SLC38A10: variants seen among roughly 807,000 people sequenced by gnomAD.
SLC38A10 encodes solute carrier family 38 member 10, also known as Sodium-coupled neutral amino acid transporter 10.
SLC38A10 carries 53 observed loss-of-function variants against 81.0 expected under a neutral mutation model. That is an observed-to-expected ratio of 0.65 (90% confidence interval 0.53 to 0.82). The LOEUF (loss-of-function observed/expected upper bound fraction) is 0.82, where lower values mean the gene tolerates loss of function less well. Among genes scored for constraint, SLC38A10 ranks in the 40% least tolerant of loss-of-function variants. The probability of loss-of-function intolerance (pLI) is 0.00; values close to 1 mark genes in which losing one functional copy is unlikely to be tolerated. For missense variants in SLC38A10, 1,471 were observed against 1,545.0 expected, an observed-to-expected ratio of 0.95 and a Z score of 0.80; for synonymous variants, 665 against 655.3, an observed-to-expected ratio of 1.01 and a Z score of -0.23.
chr17:81,245,796 G>A lies in SLC38A10; in HGVS notation c.3120C>T (p.Asp1040=), dbSNP rs1176488925. The A allele has an allele frequency of 1.9e-6, 3 of 1,602,342 alleles. No homozygotes were observed. The highest frequency in any genetic ancestry group is 2.2e-5 in the East Asian group (1 of 44,516). Residue 1040 remains aspartate (D), a synonymous_variant, in exon 16 of 16, where the codon GAC becomes GAT. Coordinates refer to ENST00000374759, the MANE Select transcript of SLC38A10 (RefSeq NM_001037984.3). ...QRPDNAKPNR[D]LKLQAGSDLR... The stretch of plus-strand genomic sequence containing the variant: ...GGTCGGAGCCAGCCTGCAGTTTCAG[G>A]TCCCGGTTGGGCTTGGCATTGTCCG...
chr17:81,287,612 T>C (rs2063278467), intron 2 of SLC38A10, among the ~76,000 whole-genome samples: 2 of 152,246 alleles, frequency 1.3e-5, no homozygotes. Context: ...TTTTGGAATC[T>C]TTTTTGTTTC....
intron 15 of SLC38A10, 26 bp from the exon 16 acceptor site, chr17:81,246,699 T>A (rs926178804): frequency 1.3e-6 from 2 of 1,501,990 alleles, no homozygotes; most frequent in Non-Finnish European, 1.8e-6. Context: ...GTCATCAATT[T>A]AGCCACAGCA....
intron 10 of SLC38A10, among the ~76,000 whole-genome samples, chr17:81,268,510 A>G (rs752458664): frequency 9.9e-5 from 15 of 151,792 alleles, no homozygotes; most frequent in Non-Finnish European, 4.4e-5. Flanking sequence ...GGTTCAAGTG[A>G]TTCTCCTGCC....
chr17:81,264,895 T>G (rs2146914126), intron 10 of SLC38A10: 1 of 152,302 alleles, frequency 6.6e-6, no homozygotes, highest in East Asian at 1.9e-4. Flanking sequence ...TTCAGGCCTT[T>G]CAGGGACTGC....
chr17:81,291,721 G>A (rs749747709), intron 1 of SLC38A10, among the ~76,000 whole-genome samples: 3 of 152,158 alleles, frequency 2.0e-5, no homozygotes, highest in Non-Finnish European at 4.4e-5. Flanking sequence ...GCCAACGCCT[G>A]TCCAACTCCT....
chr17:81,258,371 G>T (rs554825494), intron 11 of SLC38A10, among the ~76,000 whole-genome samples: 2 of 152,142 alleles, frequency 1.3e-5, no homozygotes, highest in Non-Finnish European at 2.9e-5. Flanking sequence ...TTCTGAGAGG[G>T]GCCATGTGTT....
chr17:81,245,624 CCGCAGCCTGGCGGAGCTGGGCAT>C lies in SLC38A10; in HGVS notation c.3269_3291del (p.Asp1090GlyfsTer13). On this transcript the variant is annotated frameshift_variant, in exon 16 of 16. Coordinates refer to ENST00000374759, the MANE Select transcript of SLC38A10 (RefSeq NM_001037984.3). LOFTEE classifies it low-confidence loss of function (END_TRUNC). Reference sequence around the variant, plus strand: ...CTGTGGACCACCTGCAGAGCTCCCCCCGCAGCCTGGCGGAGCTGGGCATCCAGGGCGCCACGGAGGTCGTTCAC... The same window carrying C: ...CTGTGGACCACCTGCAGAGCTCCCCCCCAGGGCGCCACGGAGGTCGTTCAC... The C allele has an allele frequency of 6.2e-7, 1 of 1,612,320 alleles. No individual in the cohort carries two copies. The highest frequency in any genetic ancestry group is 8.5e-7 in the Non-Finnish European group (1 of 1,179,774).
At position 81,246,544 on chromosome 17, in the gene SLC38A10, C is replaced by A; in HGVS notation, c.2372G>T (p.Arg791Leu). 6.6e-7 allele frequency: 1 copy of A among 1,518,156 alleles called. No individual in the cohort carries two copies. The highest frequency in any genetic ancestry group is 8.8e-7 in the Non-Finnish European group (1 of 1,134,874). 94.0% of individuals were successfully genotyped at this position (1,518,156 alleles called of 1,614,324 possible). Reference sequence around the variant, plus strand: ...GTTAAGGTCCTGGGATGGAGCAGGGCGGCCCCCAGGAGCTCTGAGGACAGG... The same window carrying A: ...GTTAAGGTCCTGGGATGGAGCAGGGAGGCCCCCAGGAGCTCTGAGGACAGG... ...LDPVLRAPGG[R>L]PAPSQDLNQR... The change falls in exon 16 of 16, where the codon CGC becomes CTC. Residue 791 changes from arginine to leucine, a missense_variant. Around this residue, in one of 2 missense-constraint regions of SLC38A10, gnomAD observed 751 missense variants for 717.4 expected, o/e 1.05. Transcript: ENST00000374759.
At chr17:81,271,772 G>A (rs1188584353) in intron 9 of SLC38A10, among the ~76,000 whole-genome samples, 2 of 118,046 alleles carry the variant, frequency 1.7e-5, no homozygotes, top group Non-Finnish European at 3.5e-5. Flanking sequence ...TTTTTTTTTG[G>A]CTGGAGTGTA....
In SLC38A10 at chr17:81,253,883, C is replaced by T. The variant is rs1370889938; in HGVS notation, c.1289-643G>A. Among the ~76,000 whole-genome samples, 3 of 151,850 alleles carry T rather than the reference C, an allele frequency of 2.0e-5. No homozygotes were observed. The highest frequency in any genetic ancestry group is 1.9e-4 in the East Asian group (1 of 5,172). ...CCTACCACCATCACCATCATCATCA[C>T]CATCACCACTACCATCACCACCATC... On this transcript the variant is annotated intron_variant, in intron 11 of 15. Coordinates refer to ENST00000374759, the MANE Select transcript of SLC38A10 (RefSeq NM_001037984.3). The surrounding 1 kb of genome is among the most constrained non-coding windows in gnomAD (Gnocchi z 4.1).
intron 4 of SLC38A10, among the ~76,000 whole-genome samples, chr17:81,282,938 G>A (rs1172110751): frequency 1.3e-5 from 2 of 152,172 alleles, no homozygotes; most frequent in African/African-American, 2.4e-5. Context: ...TCTGCTCCCC[G>A]GCAGCGAGGG....
Position 81,286,624 on chromosome 17 carries a change from T to A in SLC38A10, c.218-1729A>T, listed in dbSNP as rs1180194277. ...ACCCAGCCCTCCCCCGAGTGTGGAC[T>A]CCCAGTGCGGGCCCAGCCCCTGCCA... On this transcript the variant is annotated intron_variant, in intron 2 of 15. Coordinates refer to ENST00000374759, the MANE Select transcript of SLC38A10 (RefSeq NM_001037984.3). This position sits in a 1 kb window ranked among gnomAD's most constrained non-coding sequence, Gnocchi z 6.0. Among the ~76,000 whole-genome samples the A allele has an allele frequency of 6.6e-6, 1 of 152,088 alleles. No homozygotes were observed. Among genetic ancestry groups the A allele is most frequent in the Non-Finnish European group, 1.5e-5 (1 of 68,006 alleles).
Position 81,276,145 on chromosome 17 carries a change from A to T in SLC38A10, c.736T>A (p.Phe246Ile). The change falls in exon 8 of 16, where the codon TTT becomes ATT. Residue 246 changes from phenylalanine to isoleucine, a missense_variant. Around this residue, in one of 2 missense-constraint regions of SLC38A10, gnomAD observed 720 missense variants for 827.7 expected, o/e 0.87. Transcript: ENST00000374759. This position sits in a 1 kb window ranked among gnomAD's most constrained non-coding sequence, Gnocchi z 4.7. ...VVTTFYVMVG[F>I]FGYVSFTEAT... ...TCGGTGAAGCTGACGTAGCCGAAAA[A>T]CCCCACCTGTTGGAGAATAAGAAAT... 6.2e-7 allele frequency: 1 copy of T among 1,606,682 alleles called. No homozygotes were observed. Among genetic ancestry groups the T allele is most frequent in the Non-Finnish European group, 8.5e-7 (1 of 1,175,578 alleles).
intron 8 of SLC38A10, 152 bp downstream of exon 8, chr17:81,275,817 C>G: frequency 1.2e-6 from 1 of 824,854 alleles, no homozygotes; most frequent in Non-Finnish European, 1.8e-6. Flanking sequence ...AATCTGGTTC[C>G]TCTAGGCTCC....
At chr17:81,246,831 A>G (rs1598374745) in intron 15 of SLC38A10, 54 bp downstream of exon 15, 2 of 1,536,994 alleles carry the variant, frequency 1.3e-6, no homozygotes, top group East Asian at 4.5e-5. Context: ...GCATGAGGAC[A>G]GCAGGAGACC....
chr17:81,282,860 C>T (rs530191427), intron 4 of SLC38A10, among the ~76,000 whole-genome samples: 1 of 152,338 alleles, frequency 6.6e-6, no homozygotes, highest in East Asian at 1.9e-4. Context: ...CCTCAGTGGC[C>T]TTTGAAAGCC....
chr17:81,250,070 C>T (rs1335585885), intron 14 of SLC38A10: 1 of 1,288,774 alleles, frequency 7.8e-7, no homozygotes, highest in South Asian at 1.2e-5. Flanking sequence ...GGGTTCGTAC[C>T]TGCTACTATC....
chr17:81,282,949 A>G (rs1316612903), intron 4 of SLC38A10, among the ~76,000 whole-genome samples: 3 of 152,084 alleles, frequency 2.0e-5, no homozygotes. Context: ...GCAGCGAGGG[A>G]AAGGTGTGTG....
chr17:81,283,771 G>T lies in SLC38A10; in HGVS notation c.264-269C>A, dbSNP rs552771816. Among the ~76,000 whole-genome samples the T allele has an allele frequency of 2.0e-5, 3 of 151,744 alleles. No homozygotes were observed. The highest frequency in any genetic ancestry group is 3.9e-4 in the East Asian group (2 of 5,086). Reference sequence around the variant, plus strand: ...TGGGAGTAGCCGAGTAGCCACGCCCGGCTAATTGTTTGTATTTTTAGTAGA... The same window carrying T: ...TGGGAGTAGCCGAGTAGCCACGCCCTGCTAATTGTTTGTATTTTTAGTAGA... On this transcript the variant is annotated intron_variant, in intron 3 of 15. Transcript: ENST00000374759. The surrounding 1 kb of genome is among the most constrained non-coding windows in gnomAD (Gnocchi z 4.7).
Sources: allele counts gnomAD v4.1 joint callset (sites outside exome capture counted in the v4.1 genomes callset), GRCh38; gene constraint gnomAD v4.1.1; regional missense constraint gnomAD v4.1.1; non-coding constraint Gnocchi (gnomAD v3.1); transcripts MANE v1.5; gene names NCBI Gene and HGNC (gene_info 2026-07-23, HGNC 2026-07-21).